Variants in ENOX1 observed in about 807,000 individuals in gnomAD.
The protein encoded by ENOX1 is ecto-NOX disulfide-thiol exchanger 1, also known as candidate growth-related and time keeping constitutive hydroquinone (NADH) oxidase.
ENOX1 carries 42 observed loss-of-function variants against 82.5 expected under a neutral mutation model. That is an observed-to-expected ratio of 0.51 (90% CI 0.40 to 0.66). ENOX1 has a LOEUF of 0.66. Among genes scored for constraint, ENOX1 ranks in the 30% least tolerant of loss-of-function variants. The probability of loss-of-function intolerance (pLI) is 0.00; values close to 1 mark genes in which losing one functional copy is unlikely to be tolerated. For missense variants in ENOX1, 608 were observed against 811.6 expected, an observed-to-expected ratio of 0.75 and a Z score of 3.05; for synonymous variants, 271 against 282.2, an observed-to-expected ratio of 0.96 and a Z score of 0.40.
At chr13:43,316,605 G>C (rs1290498650) in intron 11 of ENOX1, among the ~76,000 whole-genome samples, 1 of 141,146 alleles carries the variant, frequency 7.1e-6, no homozygotes, top group Non-Finnish European at 1.5e-5. Context: ...CTGTTTTCCT[G>C]CATTTAAAAG....
chr13:43,582,921 T>C (rs2080812757), intron 2 of ENOX1, among the ~76,000 whole-genome samples: 1 of 152,128 alleles, frequency 6.6e-6, no homozygotes, highest in Non-Finnish European at 1.5e-5. Flanking sequence ...AGAGAAATAT[T>C]ACACTAATTA....
chr13:43,465,238 CT>C, intron 3 of ENOX1, among the ~76,000 whole-genome samples: 1 of 152,236 alleles, frequency 6.6e-6, no homozygotes, highest in South Asian at 2.1e-4. Context: ...ATTTGGAATT[CT>C]TTTAGAAGAA....
intron 12 of ENOX1, among the ~76,000 whole-genome samples, chr13:43,273,718 C>T (rs2044831267): frequency 6.6e-6 from 1 of 152,168 alleles, no homozygotes; most frequent in Non-Finnish European, 1.5e-5. Flanking sequence ...CAGGGCAGAA[C>T]CTACACTACG....
chr13:43,535,901 C>T (rs1424999781), intron 2 of ENOX1, among the ~76,000 whole-genome samples: 2 of 152,128 alleles, frequency 1.3e-5, no homozygotes, highest in African/African-American at 4.8e-5. Context: ...TAATTTGTAA[C>T]TGTAAGAATG....
At chr13:43,483,428 T>G (rs1393722047) in intron 3 of ENOX1, among the ~76,000 whole-genome samples, 2 of 152,110 alleles carry the variant, frequency 1.3e-5, no homozygotes, top group Non-Finnish European at 2.9e-5. Context: ...GCAACAATAT[T>G]GTTAGTAATT....
At chr13:43,654,886 A>G (rs1056920732) in intron 2 of ENOX1, among the ~76,000 whole-genome samples, 1 of 152,214 alleles carries the variant, frequency 6.6e-6, no homozygotes, top group African/African-American at 2.4e-5. Flanking sequence ...GTTTACCCCA[A>G]TGAAGCAAGT....
At chr13:43,249,845 C>T (rs541244530) in intron 14 of ENOX1, among the ~76,000 whole-genome samples, 1 of 152,314 alleles carries the variant, frequency 6.6e-6, no homozygotes, top group South Asian at 2.1e-4. Flanking sequence ...TCTTCCTTCT[C>T]TCACACCCCC....
At chr13:43,284,260 G>A (rs1026451576) in intron 12 of ENOX1, among the ~76,000 whole-genome samples, 2 of 151,416 alleles carry the variant, frequency 1.3e-5, no homozygotes, top group Admixed American at 6.6e-5. Context: ...AATACAAACC[G>A]TTAGGAAAGA....
chr13:43,347,029 C>T (rs1308708310), intron 8 of ENOX1, among the ~76,000 whole-genome samples: 1 of 152,100 alleles, frequency 6.6e-6, no homozygotes, highest in Non-Finnish European at 1.5e-5. Context: ...GAGTGTAATG[C>T]TGTTCACCTC....
chr13:43,766,499 G>C (rs780300415), intron 1 of ENOX1, among the ~76,000 whole-genome samples: 43 of 152,134 alleles, frequency 2.8e-4, no homozygotes, highest in Non-Finnish European at 5.4e-4. Context: ...TCAAGCCAAA[G>C]CACCACAATC....
intron 2 of ENOX1, among the ~76,000 whole-genome samples, chr13:43,540,038 TAC>T (rs909060260): frequency 6.6e-6 from 1 of 152,210 alleles, no homozygotes; most frequent in African/African-American, 2.4e-5. Flanking sequence ...TCAACCTTTT[TAC>T]ACACTCATAT....
intron 2 of ENOX1, among the ~76,000 whole-genome samples, chr13:43,529,633 G>A (rs2153687282): frequency 6.6e-6 from 1 of 152,176 alleles, no homozygotes; most frequent in East Asian, 1.9e-4. Context: ...TTAAATTTGT[G>A]TGTGGACGAC....
intron 3 of ENOX1, among the ~76,000 whole-genome samples, chr13:43,434,485 A>G (rs1330415842): frequency 6.6e-6 from 1 of 151,914 alleles, no homozygotes; most frequent in Non-Finnish European, 1.5e-5. Context: ...ATAAAGGCCC[A>G]CCTCCTCCAA....
chr13:43,458,096 T>C (rs527609287), intron 3 of ENOX1, among the ~76,000 whole-genome samples: 2 of 152,290 alleles, frequency 1.3e-5, no homozygotes, highest in East Asian at 3.9e-4. Context: ...TCATACTCAA[T>C]TATGGACCAA....
At chr13:43,469,309 T>C (rs2057882791) in intron 3 of ENOX1, among the ~76,000 whole-genome samples, 1 of 152,040 alleles carries the variant, frequency 6.6e-6, no homozygotes, top group Non-Finnish European at 1.5e-5. Flanking sequence ...TGGGATAAAT[T>C]ATATTTGGTT....
Position 43,679,663 on chromosome 13 carries a change from T to A in ENOX1, c.-284-12119A>T, listed in dbSNP as rs142216670. Among the ~76,000 whole-genome samples the A allele has an allele frequency of 2.3e-3, 348 of 152,306 alleles. 1 individual carries two copies. Among genetic ancestry groups the A allele is most frequent in the African/African-American group, 7.9e-3 (329 of 41,564 alleles). On this transcript the variant is annotated intron_variant, in intron 1 of 16. Transcript: ENST00000690772. ...AAGATAAGACAATTGGGTTAAATTA[T>A]CCCTAAGATCCTTTTCAACACTTAT...
chr13:43,396,057 G>A (rs1021044338), intron 5 of ENOX1, among the ~76,000 whole-genome samples: 2 of 152,174 alleles, frequency 1.3e-5, no homozygotes, highest in Non-Finnish European at 2.9e-5. Flanking sequence ...ATCTCTACTT[G>A]TGCTGCTCTT....
At chr13:43,410,586 T>TTA (rs1421027357) in intron 5 of ENOX1, among the ~76,000 whole-genome samples, 3 of 150,228 alleles carry the variant, frequency 2.0e-5, no homozygotes, top group Admixed American at 6.7e-5. Flanking sequence ...ACCATATATA[T>TTA]TATATATATG....
At chr13:43,678,110 A>C (rs1259288328) in intron 1 of ENOX1, among the ~76,000 whole-genome samples, 1 of 152,172 alleles carries the variant, frequency 6.6e-6, no homozygotes, top group Non-Finnish European at 1.5e-5. Context: ...TGGGGAAGCT[A>C]CCATCCTGAA....
Sources: allele counts gnomAD v4.1 joint callset (sites outside exome capture counted in the v4.1 genomes callset), GRCh38; gene constraint gnomAD v4.1.1; transcripts MANE v1.5; gene names NCBI Gene and HGNC (gene_info 2026-07-23, HGNC 2026-07-21).